The following NUP98 variants were observed in gnomAD, a reference collection of about 807,000 sequenced individuals.
The protein encoded by NUP98 is nucleoporin 98 and 96 precursor.
Under a neutral mutation model 191.9 loss-of-function variants are expected in NUP98, and 26 were observed. That is an observed-to-expected ratio of 0.14 (90% CI 0.10 to 0.19). The LOEUF (loss-of-function observed/expected upper bound fraction) is 0.19, where lower values mean the gene tolerates loss of function less well. NUP98 is among the 10% of genes least tolerant of loss of function. NUP98 has a pLI of 1.00. For synonymous variants in NUP98, 808 were observed against 778.4 expected, an observed-to-expected ratio of 1.04 and a Z score of -0.63; for missense variants, 1,941 against 2,178.8, an observed-to-expected ratio of 0.89 and a Z score of 2.17.
At chr11:3,739,328 C>T (rs181928878) in intron 12 of NUP98, among the ~76,000 whole-genome samples, 1 of 152,274 alleles carries the variant, frequency 6.6e-6, no homozygotes, top group East Asian at 1.9e-4. Context: ...CGGCTCACTG[C>T]AACCTCTGCC....
chr11:3,758,868 G>C lies in NUP98; in HGVS notation c.1174+1671C>G, dbSNP rs187599363. The stretch of plus-strand genomic sequence containing the variant: ...GTAACCAAGTCCACTGCCTCAAAAC[G>C]GTTGTTTCAAACAGAGTTTATAGGA... On this transcript the variant is annotated intron_variant, in intron 10 of 32. Transcript: ENST00000324932. 1.3e-4 allele frequency among the ~76,000 whole-genome samples: 20 copies of C among 152,220 alleles called. 1 individual carries two copies. The highest frequency in any genetic ancestry group is 1.2e-3 in the Admixed American group (18 of 15,282).
intron 2 of NUP98, among the ~76,000 whole-genome samples, chr11:3,780,972 C>T (rs894386664): frequency 3.2e-4 from 49 of 151,200 alleles, no homozygotes; most frequent in African/African-American, 1.1e-3. Flanking sequence ...CCCAGCTACT[C>T]GGGGGGCTGA....
chr11:3,683,946 G>A (rs1049305248), intron 29 of NUP98, among the ~76,000 whole-genome samples: 1 of 152,070 alleles, frequency 6.6e-6, no homozygotes, highest in South Asian at 2.1e-4. Flanking sequence ...AGTGCCTCAC[G>A]CCTGTAATCC....
rs370112944 is a variant in NUP98, at chr11:3,764,070, T to G, written c.949-1031A>C. Among the ~76,000 whole-genome samples the G allele has an allele frequency of 3.3e-5, 5 of 152,328 alleles. No individual in the cohort carries two copies. In the South Asian group the frequency reaches 1.0e-3, roughly 32 times the overall value. ...CGTGATGTTCTGCAACCATCCCTAC[T>G]ATCTAAATTCTTACACCCCCCAAAG... On this transcript the variant is annotated intron_variant, in intron 8 of 32. Coordinates refer to ENST00000324932, the MANE Select transcript of NUP98 (RefSeq NM_016320.5).
intron 11 of NUP98, among the ~76,000 whole-genome samples, chr11:3,749,272 C>T (rs924578124): frequency 1.4e-4 from 21 of 149,950 alleles, no homozygotes; most frequent in Non-Finnish European, 2.8e-4. Flanking sequence ...TGCACCACTG[C>T]AGTCCGCAGT....
intron 18 of NUP98, among the ~76,000 whole-genome samples, chr11:3,719,120 CA>C (rs770573619): frequency 0.099 from 10,534 of 106,552 alleles, 371 homozygotes; most frequent in Middle Eastern, 0.14. Context: ...AACTCCATCT[CA>C]AAAAAAAAAA....
At chr11:3,722,088 A>G (rs1043363053) in intron 16 of NUP98, among the ~76,000 whole-genome samples, 1 of 150,232 alleles carries the variant, frequency 6.7e-6, no homozygotes, top group Non-Finnish European at 1.5e-5. Context: ...ACAAATACAG[A>G]TTAAGCACCT....
chr11:3,729,518 G>C (rs2134268536), intron 14 of NUP98, among the ~76,000 whole-genome samples: 1 of 133,830 alleles, frequency 7.5e-6, no homozygotes, highest in South Asian at 2.4e-4. Context: ...ACCACCGTGG[G>C]CAACACAGAA....
chr11:3,782,570 ATT>A (rs35916882), intron 1 of NUP98, among the ~76,000 whole-genome samples: 1,194 of 117,400 alleles, frequency 0.01, 17 homozygotes, highest in African/African-American at 0.034. Flanking sequence ...AAAAGCTAAC[ATT>A]TTTTTTTTTT....
rs199874258 is a variant in NUP98, at chr11:3,697,820, TAAAAAAAAAAA to T, written c.4009+1251_4009+1261del. Among the ~76,000 whole-genome samples, 33 of 97,162 alleles carry T rather than the reference TAAAAAAAAAAA, an allele frequency of 3.4e-4. No individual in the cohort carries two copies. The East Asian group carries it at 0.011, about 32-fold the overall frequency. The allele number at this position is 97,162 out of a possible 152,430, so 63.7% of individuals were successfully genotyped here. A position where few individuals can be genotyped will look rare whatever the true frequency, so the allele number is the denominator to read the frequency against. On this transcript the variant is annotated intron_variant, in intron 25 of 32. Transcript: ENST00000324932. ...GTAAACACACAGACAGACTCTGTCT[TAAAAAAAAAAA>T]AAAAAAAAAAAAAAGATTTATATCT... is the stretch of plus-strand genomic sequence containing the variant.
rs113303497 is a variant in NUP98 at position 3,692,251 on chromosome 11, G to A, written c.4312-762C>T. ...GGCTGGGGCCCAGGAGGTCAAGGCT[G>A]CAGTGAGCTATAATTGCCCCACTGC... On this transcript the variant is annotated intron_variant, in intron 27 of 32. Coordinates refer to ENST00000324932, the MANE Select transcript of NUP98 (RefSeq NM_016320.5). Among the ~76,000 whole-genome samples, 792 of 151,452 alleles carry A rather than the reference G, an allele frequency of 5.2e-3. 6 individuals carry two copies. The highest frequency in any genetic ancestry group is 0.018 in the African/African-American group (755 of 41,238).
chr11:3,693,467 G>A (rs1564811410), intron 26 of NUP98, 92 bp from the exon 27 acceptor site: 12 of 1,247,728 alleles, frequency 9.6e-6, no homozygotes, highest in South Asian at 5.7e-5. Context: ...ACTTATTCAA[G>A]GAACATTTTA....
intron 14 of NUP98, among the ~76,000 whole-genome samples, chr11:3,730,008 G>A (rs998659711): frequency 6.6e-6 from 1 of 152,086 alleles, no homozygotes; most frequent in African/African-American, 2.4e-5. Flanking sequence ...TTGGGAGTCT[G>A]AGGCAGGTGA....
chr11:3,751,582 A>G (rs995181486), intron 11 of NUP98, among the ~76,000 whole-genome samples: 1 of 152,184 alleles, frequency 6.6e-6, no homozygotes, highest in African/African-American at 2.4e-5. Flanking sequence ...TCTTAAGCAG[A>G]GAGCACTGAC....
intron 29 of NUP98, among the ~76,000 whole-genome samples, chr11:3,683,801 G>T (rs1384139482): frequency 5.3e-5 from 8 of 151,978 alleles, no homozygotes; most frequent in African/African-American, 1.7e-4. Context: ...GCTTCCCAAA[G>T]TGCCAGGATT....
rs200536174 is a variant in NUP98 at position 3,778,885 on chromosome 11, T to C, written c.343A>G (p.Thr115Ala). ...QNNAFAQNKPTGFGNFGTSTS... is the reference protein window; with the variant it reads ...QNNAFAQNKPAGFGNFGTSTS... ...ATGTCCCACTTACTGCCAAAGCCAG[T>C]TGGTTTATTTTGTGCAAAGGCATTG... Residue 115 changes from threonine (T) to alanine (A), a missense_variant, in exon 4 of 33, where the codon ACT (threonine) becomes GCT (alanine). Thr to Ala is a moderately conservative substitution (Grantham distance 58, BLOSUM62 0). Transcript: ENST00000324932. 59 of 1,613,776 alleles carry C rather than the reference T, an allele frequency of 3.7e-5. 1 individual carries two copies. In the African/African-American group the frequency reaches 4.0e-4, roughly 11 times the overall value.
chr11:3,735,728 C>T (rs2080024532), intron 12 of NUP98, among the ~76,000 whole-genome samples: 2 of 148,124 alleles, frequency 1.4e-5, no homozygotes, highest in East Asian at 2.0e-4. Context: ...GGAAATAATA[C>T]GACAGTATAC....
At chr11:3,757,564 C>T (rs369066208) in intron 10 of NUP98, among the ~76,000 whole-genome samples, 3 of 151,980 alleles carry the variant, frequency 2.0e-5, no homozygotes, top group South Asian at 2.1e-4. Context: ...TTTGGGAGAC[C>T]GAGGCTGGCA....
chr11:3,694,189 TGGGG>T (rs1564812080), intron 26 of NUP98, among the ~76,000 whole-genome samples: 3 of 151,084 alleles, frequency 2.0e-5, no homozygotes, highest in African/African-American at 7.3e-5. Flanking sequence ...CTGGCCAACA[TGGGG>T]AAACCCGTCT....
Sources: allele counts gnomAD v4.1 joint callset (sites outside exome capture counted in the v4.1 genomes callset), GRCh38; gene constraint gnomAD v4.1.1; transcripts MANE v1.5; gene names NCBI Gene and HGNC (gene_info 2026-07-23, HGNC 2026-07-21).